The following MUSK variants were observed in gnomAD, a reference collection of about 807,000 sequenced individuals.
MUSK encodes the protein muscle associated receptor tyrosine kinase.
Under a neutral mutation model 88.7 loss-of-function variants are expected in MUSK, and 55 were observed. That is an observed-to-expected ratio of 0.62 (90% CI 0.50 to 0.78). The LOEUF (loss-of-function observed/expected upper bound fraction) is 0.78. Ranked by LOEUF, MUSK falls within the 30% of genes least tolerant of loss-of-function variation. The pLI, the probability that MUSK is intolerant of heterozygous loss-of-function variation, is 0.00. For synonymous variants in MUSK, 387 were observed against 391.9 expected, an observed-to-expected ratio of 0.99 and a Z score of 0.15; for missense variants, 1,015 against 1,074.3, an observed-to-expected ratio of 0.94 and a Z score of 0.77.
chr9:110,749,448 A>G (rs2077220219), intron 7 of MUSK, among the ~76,000 whole-genome samples: 1 of 152,234 alleles, frequency 6.6e-6, no homozygotes, highest in African/African-American at 2.4e-5. Context: ...GGTCAAGGCT[A>G]GACCACGAGA....
chr9:110,718,660 TG>T (rs1179522076), intron 5 of MUSK, among the ~76,000 whole-genome samples: 4 of 152,182 alleles, frequency 2.6e-5, no homozygotes, highest in Middle Eastern at 6.8e-3. Flanking sequence ...AAAACATATT[TG>T]AGGAAATAAT....
chr9:110,684,547 G>T (rs561278781), intron 2 of MUSK, among the ~76,000 whole-genome samples: 1 of 151,806 alleles, frequency 6.6e-6, no homozygotes, highest in African/African-American at 2.4e-5. Flanking sequence ...GAATTGCATG[G>T]AATCTATAGA....
chr9:110,785,640 G>A lies in MUSK; in HGVS notation c.1700G>A (p.Ser567Asn). 1 of 1,613,262 alleles carries A rather than the reference G, an allele frequency of 6.2e-7. No individual in the cohort carries two copies. Among genetic ancestry groups the A allele is most frequent in the South Asian group, 1.1e-5 (1 of 91,006 alleles). ...CTCCTTCTGAACCCCAAATTGCTCA[G>A]CCTGGAGTATCCAAGGAATAACATT... is the stretch of plus-strand genomic sequence containing the variant. ...MPLLLNPKLL[S>N]LEYPRNNIEY... is the part of the protein sequence containing the mutation. Residue 567 changes from serine to asparagine, a missense_variant, in exon 13 of 15, where the codon AGC (serine) becomes AAC (asparagine). Transcript: ENST00000374448.
chr9:110,712,628 C>G (rs2076686876), intron 5 of MUSK, among the ~76,000 whole-genome samples: 1 of 152,106 alleles, frequency 6.6e-6, no homozygotes, highest in African/African-American at 2.4e-5. Flanking sequence ...AATGCAGTGA[C>G]CCATGAACCA....
At chr9:110,727,001 C>T (rs2076893971) in intron 5 of MUSK, among the ~76,000 whole-genome samples, 2 of 152,022 alleles carry the variant, frequency 1.3e-5, no homozygotes, top group Admixed American at 1.3e-4. Flanking sequence ...AATACCTATG[C>T]TTTACCAGGA....
At chr9:110,674,165 G>A (rs761513253) in intron 1 of MUSK, among the ~76,000 whole-genome samples, 51 of 152,100 alleles carry the variant, frequency 3.4e-4, no homozygotes, top group Admixed American at 7.9e-4. Context: ...TCTGTGGCCA[G>A]TCTCAAGCTA....
intron 5 of MUSK, among the ~76,000 whole-genome samples, chr9:110,720,793 G>A (rs2076801508): frequency 6.6e-6 from 1 of 151,996 alleles, no homozygotes; most frequent in Admixed American, 6.6e-5. Context: ...AACCAAAAAA[G>A]AAAACTACAG....
chr9:110,741,945 T>A (rs867752183), intron 6 of MUSK, among the ~76,000 whole-genome samples: 6 of 152,322 alleles, frequency 3.9e-5, no homozygotes, highest in Middle Eastern at 6.8e-3. Context: ...CTGTCAAAGA[T>A]GATCTCTAAT....
chr9:110,678,514 T>C (rs1013962404), intron 1 of MUSK, among the ~76,000 whole-genome samples: 1 of 152,168 alleles, frequency 6.6e-6, no homozygotes, highest in Non-Finnish European at 1.5e-5. Flanking sequence ...CTGAAAAACT[T>C]TGGGGCATTA....
At chr9:110,742,720 A>T (rs561733952) in intron 6 of MUSK, among the ~76,000 whole-genome samples, 1 of 152,234 alleles carries the variant, frequency 6.6e-6, no homozygotes, top group African/African-American at 2.4e-5. Context: ...AAAAAGTGAA[A>T]GGCAAAATAG....
At chr9:110,676,229 G>A (rs2076025166) in intron 1 of MUSK, among the ~76,000 whole-genome samples, 1 of 151,354 alleles carries the variant, frequency 6.6e-6, no homozygotes, top group African/African-American at 2.4e-5. Context: ...AATGCTCATA[G>A]CAAGGGATAA....
At chr9:110,766,117 T>A (rs2821149) in intron 8 of MUSK, among the ~76,000 whole-genome samples, 106,028 of 151,708 alleles carry the variant, frequency 0.7, 38,304 homozygotes, top group Non-Finnish European at 0.8. Flanking sequence ...AAGCTGGGGG[T>A]GGGTAGAGTA....
Position 110,802,747 on chromosome 9 carries a change from G to T in MUSK, c.*1759G>T, listed in dbSNP as rs521803. ...CTACCGTTGCCCACCCTGTCTATTA[G>T]CTGGCCTTCCTCTCATTTCAGACCT... On this transcript the variant is annotated 3_prime_UTR_variant, in exon 15 of 15. Transcript: ENST00000374448. Among the ~76,000 whole-genome samples, 109,159 of 152,036 alleles carry T rather than the reference G, an allele frequency of 0.72. 39,541 individuals are homozygous for T. Among genetic ancestry groups the T allele is most frequent in the African/African-American group, 0.79 (32,941 of 41,480 alleles).
chr9:110,790,925 C>T (rs1326880107), intron 14 of MUSK, among the ~76,000 whole-genome samples: 1 of 152,108 alleles, frequency 6.6e-6, no homozygotes, highest in Non-Finnish European at 1.5e-5. Flanking sequence ...CCAGAATTAG[C>T]ATTTTGCCAC....
rs761259585 is a variant in MUSK, at chr9:110,697,435, A to G, written c.597A>G (p.Ala199=). Residue 199 remains alanine (A), a synonymous_variant, in exon 5 of 15, where the codon GCA becomes GCG. Coordinates refer to ENST00000374448, the MANE Select transcript of MUSK (RefSeq NM_005592.4). ...TGGCAAAAAACAGCCTCGGGACAGC[A>G]TATTCCAAAGTGGTGAAGCTGGAAG... The part of the protein sequence containing the change: ...RCVAKNSLGT[A]YSKVVKLEVE... 8 of 1,609,616 alleles carry G rather than the reference A, an allele frequency of 5.0e-6. No individual in the cohort carries two copies. The highest frequency in any genetic ancestry group is 6.8e-6 in the Non-Finnish European group (8 of 1,177,530).
intron 1 of MUSK, among the ~76,000 whole-genome samples, chr9:110,676,364 T>TATATATA (rs777356764): frequency 4.8e-5 from 6 of 124,358 alleles, no homozygotes; most frequent in South Asian, 5.7e-4. Flanking sequence ...TATTATATAT[T>TATATATA]ATATATGTGT....
chr9:110,785,070 T>A, intron 12 of MUSK, 54 bp downstream of exon 12: 2 of 1,498,712 alleles, frequency 1.3e-6, no homozygotes, highest in Admixed American at 3.4e-5. Flanking sequence ...AGCCTTGTGT[T>A]TTATGGAGTT....
intron 5 of MUSK, among the ~76,000 whole-genome samples, chr9:110,699,700 AATG>A (rs1200929433): frequency 6.6e-6 from 1 of 152,154 alleles, no homozygotes; most frequent in Non-Finnish European, 1.5e-5. Flanking sequence ...CTAGTTTGGC[AATG>A]ATGAGGACTG....
At chr9:110,704,687 A>C (rs1381585846) in intron 5 of MUSK, among the ~76,000 whole-genome samples, 1 of 152,170 alleles carries the variant, frequency 6.6e-6, no homozygotes, top group Admixed American at 6.5e-5. Context: ...ATCTCTGCAT[A>C]GAGAATTATA....
Sources: allele counts gnomAD v4.1 joint callset (sites outside exome capture counted in the v4.1 genomes callset), GRCh38; gene constraint gnomAD v4.1.1; transcripts MANE v1.5; gene names NCBI Gene and HGNC (gene_info 2026-07-23, HGNC 2026-07-21).